ANO2: variants seen among roughly 807,000 people sequenced by gnomAD.
ANO2 encodes the protein anoctamin-2.
A neutral mutation model predicts 124.2 loss-of-function variants in ANO2; 101 were observed. That is an observed-to-expected ratio of 0.81 (90% CI 0.69 to 0.96). The LOEUF (loss-of-function observed/expected upper bound fraction) is 0.96, where lower values mean the gene tolerates loss of function less well. Ranked by LOEUF, ANO2 falls within the 40% of genes least tolerant of loss-of-function variation. ANO2 has a pLI of 0.00. For missense variants in ANO2, 1,293 were observed against 1,274.5 expected (o/e 1.01, Z -0.22); for synonymous variants, 486 against 482.5 (o/e 1.01, Z -0.09).
intron 19 of ANO2, among the ~76,000 whole-genome samples, chr12:5,604,903 T>G (rs1181080082): frequency 1.5e-5 from 2 of 130,990 alleles, no homozygotes; most frequent in Non-Finnish European, 3.4e-5. Context: ...CCCCCCTTGC[T>G]TTTCTTTTTT....
chr12:5,897,802 G>A (rs1407714622), intron 3 of ANO2, among the ~76,000 whole-genome samples: 2 of 151,210 alleles, frequency 1.3e-5, no homozygotes, highest in East Asian at 1.9e-4. Flanking sequence ...ACAAATAAAT[G>A]TTATGGAAGA....
chr12:5,826,174 T>G (rs964476727), intron 7 of ANO2, among the ~76,000 whole-genome samples: 1 of 152,228 alleles, frequency 6.6e-6, no homozygotes, highest in Non-Finnish European at 1.5e-5. Context: ...GGATTGGGGA[T>G]GAGTGCATTT....
chr12:5,799,276 G>T (rs1482874919), intron 10 of ANO2, among the ~76,000 whole-genome samples: 2 of 152,214 alleles, frequency 1.3e-5, no homozygotes, highest in African/African-American at 4.8e-5. Flanking sequence ...ACCTCAAGGT[G>T]CAGGTCATGG....
intron 3 of ANO2, among the ~76,000 whole-genome samples, chr12:5,890,157 G>T (rs1939293249): frequency 6.6e-6 from 1 of 152,154 alleles, no homozygotes; most frequent in Non-Finnish European, 1.5e-5. Flanking sequence ...TCTTCCAGGG[G>T]CCTGGGGAAG....
intron 16 of ANO2, among the ~76,000 whole-genome samples, chr12:5,633,866 C>T (rs890196947): frequency 2.6e-5 from 4 of 152,114 alleles, no homozygotes; most frequent in Non-Finnish European, 5.9e-5. Context: ...CCGTGTTTCT[C>T]ACTTGGTTTC....
intron 14 of ANO2, among the ~76,000 whole-genome samples, chr12:5,690,545 T>A (rs926498034): frequency 1.3e-5 from 2 of 152,182 alleles, no homozygotes; most frequent in Admixed American, 6.5e-5. Context: ...GCTCTTCTGA[T>A]TCCAGCTAAG....
intron 7 of ANO2, among the ~76,000 whole-genome samples, chr12:5,822,246 G>GA (rs1424559264): frequency 6.6e-6 from 1 of 152,206 alleles, no homozygotes; most frequent in Non-Finnish European, 1.5e-5. Context: ...CAGGGACTTG[G>GA]AAGAAGCATG....
At chr12:5,567,400 G>A (rs545986434) in intron 23 of ANO2, among the ~76,000 whole-genome samples, 4 of 152,122 alleles carry the variant, frequency 2.6e-5, no homozygotes, top group South Asian at 2.1e-4. Flanking sequence ...CTATCCTCCC[G>A]TCGCCCCCAG....
intron 19 of ANO2, among the ~76,000 whole-genome samples, chr12:5,608,125 C>G (rs1944309988): frequency 6.6e-6 from 1 of 151,904 alleles, no homozygotes; most frequent in Admixed American, 6.6e-5. Flanking sequence ...ATTTACATGA[C>G]TCCTTCCTCA....
intron 11 of ANO2, among the ~76,000 whole-genome samples, chr12:5,748,870 C>CAAAA (rs60191649): frequency 1.2e-4 from 12 of 101,646 alleles, no homozygotes; most frequent in South Asian, 3.4e-4. Context: ...CTTCACCCTC[C>CAAAA]AAAAAAAAAA....
At chr12:5,661,188 G>T (rs1947422228) in intron 14 of ANO2, among the ~76,000 whole-genome samples, 3 of 152,140 alleles carry the variant, frequency 2.0e-5, no homozygotes, top group Admixed American at 2.0e-4. Flanking sequence ...GCCACACTCA[G>T]CTCCTCTGCC....
At chr12:5,687,266 C>T (rs568127075) in intron 14 of ANO2, among the ~76,000 whole-genome samples, 1 of 152,338 alleles carries the variant, frequency 6.6e-6, no homozygotes, top group South Asian at 2.1e-4. Flanking sequence ...CCCACAACTC[C>T]ATAAGGATTG....
intron 1 of ANO2, among the ~76,000 whole-genome samples, chr12:5,934,088 A>G (rs1461967881): frequency 6.6e-6 from 1 of 152,224 alleles, no homozygotes; most frequent in African/African-American, 2.4e-5. Context: ...CTACAACACT[A>G]ATCGCTAACA....
intron 13 of ANO2, among the ~76,000 whole-genome samples, chr12:5,734,472 C>G (rs1301470674): frequency 6.6e-6 from 1 of 152,192 alleles, no homozygotes; most frequent in Non-Finnish European, 1.5e-5. Flanking sequence ...AGACCCTGCA[C>G]AGGGGCTAAG....
intron 20 of ANO2, among the ~76,000 whole-genome samples, chr12:5,583,450 G>C (rs569857297): frequency 2.0e-5 from 3 of 151,728 alleles, no homozygotes; most frequent in Non-Finnish European, 4.4e-5. Flanking sequence ...TCAGGAGATC[G>C]AGACCATCTT....
intron 14 of ANO2, among the ~76,000 whole-genome samples, chr12:5,707,152 G>T (rs983836158): frequency 6.6e-6 from 1 of 152,174 alleles, no homozygotes; most frequent in Non-Finnish European, 1.5e-5. Context: ...TCTCATGACA[G>T]TGAGGAGTTC....
chr12:5,565,807 G>C (rs1395687802), intron 23 of ANO2, 144 bp from the exon 24 acceptor site: 4 of 643,222 alleles, frequency 6.2e-6, no homozygotes, highest in Non-Finnish European at 1.1e-5. Context: ...GAAGTGGGGG[G>C]AATCTATGGC....
At chr12:5,703,243 A>G (rs746401067) in intron 14 of ANO2, among the ~76,000 whole-genome samples, 1 of 152,252 alleles carries the variant, frequency 6.6e-6, no homozygotes, top group Admixed American at 6.5e-5. Flanking sequence ...ATGCTAAATA[A>G]TATGTATAGT....
intron 4 of ANO2, among the ~76,000 whole-genome samples, chr12:5,850,070 T>C (rs1954827021): frequency 6.6e-6 from 1 of 152,086 alleles, no homozygotes; most frequent in African/African-American, 2.4e-5. Flanking sequence ...CCCTCATCTG[T>C]GTATAACACC....
Sources: gnomAD v4.1 joint callset for allele counts (sites outside exome capture counted in the v4.1 genomes callset) on GRCh38, gnomAD v4.1.1 for gene constraint, MANE v1.5 for transcripts, NCBI Gene and HGNC (gene_info 2026-07-23, HGNC 2026-07-21) for gene names.